SDK1: variants seen among roughly 807,000 people sequenced by gnomAD.
The protein encoded by SDK1 is protein sidekick-1.
SDK1 carries 157 observed loss-of-function variants against 245.5 expected under a neutral mutation model. The ratio of observed to expected loss-of-function variants is 0.64; its 90% CI spans 0.56 to 0.73. SDK1 has a LOEUF of 0.73. Ranked by LOEUF, SDK1 falls within the 30% of genes least tolerant of loss-of-function variation. The pLI is 0.00. For synonymous variants in SDK1, 1,647 were observed against 1,278.5 expected, an observed-to-expected ratio of 1.29 and a Z score of -6.15; for missense variants, 3,583 against 3,002.3, an observed-to-expected ratio of 1.19 and a Z score of -4.52.
At chr7:3,662,036 G>T (rs1783378487) in intron 4 of SDK1, among the ~76,000 whole-genome samples, 1 of 124,258 alleles carries the variant, frequency 8.0e-6, no homozygotes, top group Non-Finnish European at 1.7e-5. Context: ...AGAGGCAACG[G>T]TTGTATTTTT....
chr7:3,810,959 T>G (rs1011345048), intron 4 of SDK1, among the ~76,000 whole-genome samples: 1 of 152,232 alleles, frequency 6.6e-6, no homozygotes, highest in Non-Finnish European at 1.5e-5. Context: ...AATGTGATAA[T>G]TCAGTGACCG....
intron 4 of SDK1, among the ~76,000 whole-genome samples, chr7:3,706,232 G>C (rs372463689): frequency 6.6e-6 from 1 of 152,008 alleles, no homozygotes; most frequent in Admixed American, 6.6e-5. Flanking sequence ...TTTATTTTTT[G>C]TTGCTGTTAT....
In SDK1 at chr7:3,761,568, T is replaced by A. The variant is rs188358215; in HGVS notation, c.714-59882T>A. On this transcript the variant is annotated intron_variant, in intron 4 of 44. Coordinates refer to ENST00000404826, the MANE Select transcript of SDK1 (RefSeq NM_152744.4). ...GACTCCATCTCAAAAAAAAAAAAAA[T>A]AATAATAATAGGCCTAATCATTGTA... Among the ~76,000 whole-genome samples, 150 of 138,588 alleles carry A rather than the reference T, an allele frequency of 1.1e-3. 1 individual carries two copies. Among genetic ancestry groups the A allele is most frequent in the East Asian group, 6.7e-3 (33 of 4,896 alleles). 90.9% of individuals were successfully genotyped at this position (138,588 alleles called of 152,430 possible). A position where few individuals can be genotyped will look rare whatever the true frequency, so the allele number is the denominator to read the frequency against.
At chr7:3,591,410 G>T (rs927292487) in intron 1 of SDK1, among the ~76,000 whole-genome samples, 1 of 152,230 alleles carries the variant, frequency 6.6e-6, no homozygotes, top group Non-Finnish European at 1.5e-5. Flanking sequence ...CCGCCTAGGG[G>T]AGACCTTCCC....
intron 40 of SDK1, chr7:4,227,502 G>A (rs1785513044): frequency 8.6e-6 from 4 of 464,154 alleles, no homozygotes; most frequent in South Asian, 4.8e-5. Context: ...TTCTAACCTG[G>A]ATTGGCCATT....
intron 1 of SDK1, among the ~76,000 whole-genome samples, chr7:3,546,125 T>G (rs1323258890): frequency 6.6e-6 from 1 of 152,202 alleles, no homozygotes; most frequent in African/African-American, 2.4e-5. Flanking sequence ...GAGGGCTTGC[T>G]GGGGCCCCAC....
intron 1 of SDK1, among the ~76,000 whole-genome samples, chr7:3,431,913 C>G (rs1348235606): frequency 2.0e-5 from 3 of 151,662 alleles, no homozygotes; most frequent in Admixed American, 6.6e-5. Flanking sequence ...AAGATTCTCC[C>G]TAGAATTCCT....
At position 3,477,402 on chromosome 7, in the gene SDK1, G is replaced by A. The variant is rs144853122; in HGVS notation, c.299-141678G>A. Among the ~76,000 whole-genome samples the A allele has an allele frequency of 2.5e-3, 371 of 151,214 alleles. 2 individuals are homozygous for A. Among genetic ancestry groups the A allele is most frequent in the African/African-American group, 8.7e-3 (360 of 41,292 alleles). ...GTAGAGATGGGGTTTCACCTTGTTGGCCAGGCTGGTCTTGAACTCCCGACC... is the reference window on the plus strand; with the variant it reads ...GTAGAGATGGGGTTTCACCTTGTTGACCAGGCTGGTCTTGAACTCCCGACC... On this transcript the variant is annotated intron_variant, in intron 1 of 44. Coordinates refer to ENST00000404826, the MANE Select transcript of SDK1 (RefSeq NM_152744.4).
At chr7:4,005,996 A>G (rs1013727140) in intron 14 of SDK1, among the ~76,000 whole-genome samples, 1 of 152,148 alleles carries the variant, frequency 6.6e-6, no homozygotes, top group Non-Finnish European at 1.5e-5. Context: ...TGAACCCAGG[A>G]GCGGAGGTTG....
At chr7:3,481,452 A>G (rs904051863) in intron 1 of SDK1, among the ~76,000 whole-genome samples, 4 of 152,246 alleles carry the variant, frequency 2.6e-5, no homozygotes, top group Non-Finnish European at 4.4e-5. Flanking sequence ...TATGCCCTCT[A>G]CACGCTGTTC....
intron 1 of SDK1, among the ~76,000 whole-genome samples, chr7:3,305,985 T>C (rs971427820): frequency 1.3e-5 from 2 of 152,312 alleles, no homozygotes; most frequent in Middle Eastern, 3.4e-3. Flanking sequence ...GGAGTGGTGA[T>C]GCCAGAATGA....
intron 13 of SDK1, among the ~76,000 whole-genome samples, chr7:3,978,192 C>T (rs914862853): frequency 6.6e-6 from 1 of 151,984 alleles, no homozygotes; most frequent in Non-Finnish European, 1.5e-5. Flanking sequence ...AACCTTAGAT[C>T]ATCCATCGTT....
At chr7:3,857,948 C>G (rs923365807) in intron 5 of SDK1, among the ~76,000 whole-genome samples, 1 of 152,016 alleles carries the variant, frequency 6.6e-6, no homozygotes, top group East Asian at 1.9e-4. Context: ...TTAAAAGGAA[C>G]AAATAGTGTG....
chr7:3,305,841 C>T (rs537876559), intron 1 of SDK1, among the ~76,000 whole-genome samples: 56 of 152,240 alleles, frequency 3.7e-4, no homozygotes, highest in Non-Finnish European at 4.7e-4. Context: ...TGAACCTTTA[C>T]GTGCCAAGCA....
chr7:3,648,511 C>T (rs1782917289), intron 4 of SDK1, among the ~76,000 whole-genome samples: 1 of 152,192 alleles, frequency 6.6e-6, no homozygotes, highest in African/African-American at 2.4e-5. Context: ...AACAGCATCC[C>T]AGGTGACTCA....
chr7:4,179,954 C>T (rs564556795), intron 35 of SDK1, among the ~76,000 whole-genome samples: 1 of 151,918 alleles, frequency 6.6e-6, no homozygotes, highest in South Asian at 2.1e-4. Context: ...TGTCAGAGCT[C>T]TGCCTGAGGG....
intron 3 of SDK1, among the ~76,000 whole-genome samples, chr7:3,640,932 T>G (rs1048286173): frequency 2.6e-5 from 4 of 152,126 alleles, no homozygotes; most frequent in Non-Finnish European, 5.9e-5. Flanking sequence ...TCCACCCGCC[T>G]CGGCCTCCCA....
chr7:4,071,019 T>G (rs1047641624), intron 20 of SDK1, among the ~76,000 whole-genome samples: 1 of 151,234 alleles, frequency 6.6e-6, no homozygotes, highest in African/African-American at 2.4e-5. Context: ...TGTGGGGTTT[T>G]TAATTTTTTG....
intron 1 of SDK1, among the ~76,000 whole-genome samples, chr7:3,556,628 C>A (rs1779594891): frequency 6.6e-6 from 1 of 151,760 alleles, no homozygotes; most frequent in South Asian, 2.1e-4. Context: ...TGAGACCAGT[C>A]TGGCGAACCT....
Sources: gnomAD v4.1 joint callset for allele counts (sites outside exome capture counted in the v4.1 genomes callset) on GRCh38, gnomAD v4.1.1 for gene constraint, MANE v1.5 for transcripts, NCBI Gene and HGNC (gene_info 2026-07-23, HGNC 2026-07-21) for gene names.